The following ARHGAP35 variants were observed in gnomAD, a reference collection of about 807,000 sequenced individuals.
ARHGAP35 encodes Rho GTPase activating protein 35.
Under a neutral mutation model 111.1 loss-of-function variants are expected in ARHGAP35, and 15 were observed. That is an observed-to-expected ratio of 0.13 (90% CI 0.09 to 0.21). The LOEUF (loss-of-function observed/expected upper bound fraction) is 0.21. Ranked by LOEUF, ARHGAP35 falls within the 10% of genes least tolerant of loss-of-function variation. ARHGAP35 has a pLI of 1.00. For missense variants in ARHGAP35, 1,262 were observed against 1,873.0 expected, an observed-to-expected ratio of 0.67 and a Z score of 6.02; for synonymous variants, 643 against 710.3, an observed-to-expected ratio of 0.91 and a Z score of 1.51.
rs534328512 is a variant in ARHGAP35, at chr19:46,972,235, T to G, written c.3827-15754T>G. On this transcript the variant is annotated intron_variant, in intron 3 of 6. Coordinates refer to ENST00000672722, the MANE Select transcript of ARHGAP35 (RefSeq NM_004491.5). Reference sequence around the variant, plus strand: ...CATGTTGGCCAGGCTGGTCTCAAAATCCTGACCTCAGGTGATCACCCACCT... The same window carrying G: ...CATGTTGGCCAGGCTGGTCTCAAAAGCCTGACCTCAGGTGATCACCCACCT... Among the ~76,000 whole-genome samples, 3 of 152,024 alleles carry G rather than the reference T, an allele frequency of 2.0e-5. No homozygotes were observed. The East Asian group carries it at 5.9e-4, about 30-fold the overall frequency.
intron 3 of ARHGAP35, among the ~76,000 whole-genome samples, chr19:46,976,135 C>T (rs2056578344): frequency 1.3e-5 from 2 of 151,786 alleles, no homozygotes; most frequent in Admixed American, 6.6e-5. Context: ...AATCTCTCTC[C>T]CTCCCCCTGT....
In ARHGAP35 at chr19:46,921,032, T is replaced by C. The variant is rs772190930; in HGVS notation, c.2357T>C (p.Met786Thr). The change falls in exon 2 of 7, where the codon ATG becomes ACG. Residue 786 changes from methionine (M) to threonine (T), a missense_variant. Coordinates refer to ENST00000672722, the MANE Select transcript of ARHGAP35 (RefSeq NM_004491.5). This position sits in a 1 kb window ranked among gnomAD's most constrained non-coding sequence, Gnocchi z 4.3. The stretch of plus-strand genomic sequence containing the variant: ...GCTGATGTTGATCTGCGAATTGTTA[T>C]GTGTCTGATGTGTGGAGATCCTTTT... ...DLADVDLRIV[M>T]CLMCGDPFSA... 5.0e-6 allele frequency: 8 copies of C among 1,614,052 alleles called. No homozygotes were observed. In the East Asian group the frequency reaches 1.3e-4, roughly 27 times the overall value.
intron 3 of ARHGAP35, among the ~76,000 whole-genome samples, chr19:46,972,286 A>T (rs1393198615): frequency 2.0e-5 from 3 of 152,226 alleles, no homozygotes; most frequent in African/African-American, 7.2e-5. Flanking sequence ...CTGGGATTAC[A>T]GGCGTGAGCC....
intron 2 of ARHGAP35, among the ~76,000 whole-genome samples, chr19:46,923,596 A>C (rs1334027058): frequency 1.3e-5 from 2 of 151,476 alleles, no homozygotes; most frequent in Non-Finnish European, 2.9e-5. Context: ...CCCACCCCCA[A>C]TTGCCAAGGC....
At chr19:46,923,035 G>T (rs929704528) in intron 2 of ARHGAP35, among the ~76,000 whole-genome samples, 1 of 150,956 alleles carries the variant, frequency 6.6e-6, no homozygotes, top group Non-Finnish European at 1.5e-5. Flanking sequence ...AAAAGAAAAA[G>T]TTAACTGTAT....
chr19:46,907,695 T>C (rs2056117911), intron 1 of ARHGAP35, among the ~76,000 whole-genome samples: 1 of 151,224 alleles, frequency 6.6e-6, no homozygotes, highest in South Asian at 2.1e-4. Flanking sequence ...GCCAGGATGG[T>C]CTCCATCTCC....
chr19:46,920,019 C>T lies in ARHGAP35; in HGVS notation c.1344C>T (p.Pro448=), dbSNP rs752543994. The T allele has an allele frequency of 2.2e-5, 36 of 1,613,758 alleles. No individual in the cohort carries two copies. The highest frequency in any genetic ancestry group is 7.7e-5 in the South Asian group (7 of 91,070). ...TGGAGACTTCTCCTTTCATAACTCCCGGAAAGCCTTGGGAAGAGGCCCGTA... is the reference window on the plus strand; with the variant it reads ...TGGAGACTTCTCCTTTCATAACTCCTGGAAAGCCTTGGGAAGAGGCCCGTA... The part of the protein sequence containing the change: ...ENLETSPFIT[P]GKPWEEARSF... Residue 448 remains proline, a synonymous_variant, in exon 2 of 7, where the codon CCC becomes CCT. Transcript: ENST00000672722. This position sits in a 1 kb window ranked among gnomAD's most constrained non-coding sequence, Gnocchi z 7.0.
intron 1 of ARHGAP35, among the ~76,000 whole-genome samples, chr19:46,862,743 A>G (rs2055835620): frequency 6.6e-6 from 1 of 151,348 alleles, no homozygotes; most frequent in South Asian, 2.1e-4. Context: ...GGTTCTTGTC[A>G]CTGTGTCCCC....
chr19:46,890,979 C>G (rs2056020858), intron 1 of ARHGAP35, among the ~76,000 whole-genome samples: 1 of 152,100 alleles, frequency 6.6e-6, no homozygotes, highest in South Asian at 2.1e-4. Flanking sequence ...TGGCAATATT[C>G]TTTGCTGTCT....
At chr19:46,877,305 G>C (rs960225462) in intron 1 of ARHGAP35, among the ~76,000 whole-genome samples, 33 of 149,140 alleles carry the variant, frequency 2.2e-4, no homozygotes, top group African/African-American at 8.2e-4. Flanking sequence ...GGTCATGCCT[G>C]TAATCCCAGC....
At chr19:46,874,240 CTG>C (rs1223503231) in intron 1 of ARHGAP35, among the ~76,000 whole-genome samples, 2 of 152,168 alleles carry the variant, frequency 1.3e-5, no homozygotes, top group African/African-American at 4.8e-5. Flanking sequence ...CTCTTCCTCT[CTG>C]GGAGAATTTT....
At chr19:46,970,488 T>C (rs1322154172) in intron 3 of ARHGAP35, among the ~76,000 whole-genome samples, 1 of 152,146 alleles carries the variant, frequency 6.6e-6, no homozygotes, top group Non-Finnish European at 1.5e-5. Context: ...TCTGAACTCC[T>C]CAACATTACT....
chr19:46,897,297 A>G (rs899297001), intron 1 of ARHGAP35, among the ~76,000 whole-genome samples: 15 of 152,054 alleles, frequency 9.9e-5, no homozygotes, highest in Admixed American at 2.6e-4. Context: ...TGCTTTGTGC[A>G]CTTATTGGGG....
At chr19:46,900,246 G>C (rs1372027136) in intron 1 of ARHGAP35, among the ~76,000 whole-genome samples, 4 of 136,180 alleles carry the variant, frequency 2.9e-5, no homozygotes, top group Non-Finnish European at 6.2e-5. Flanking sequence ...TTTTGAGATG[G>C]AGTCTCACTC....
chr19:46,922,097 G>C lies in ARHGAP35; in HGVS notation c.3422G>C (p.Ser1141Thr). The C allele has an allele frequency of 1.2e-6, 2 of 1,614,050 alleles. No individual in the cohort carries two copies. The highest frequency in any genetic ancestry group is 2.2e-5 in the East Asian group (1 of 44,884). Residue 1141 changes from serine (S) to threonine (T), a missense_variant, in exon 2 of 7, where the codon AGC becomes ACC. Ser to Thr is a moderately conservative substitution (Grantham distance 58, BLOSUM62 1). Around this residue, in one of 8 missense-constraint regions of ARHGAP35, gnomAD observed 579 missense variants for 716.9 expected, o/e 0.81. Coordinates refer to ENST00000672722, the MANE Select transcript of ARHGAP35 (RefSeq NM_004491.5). This position sits in a 1 kb window ranked among gnomAD's most constrained non-coding sequence, Gnocchi z 4.0. ...GGTTCTGACAGTGAAATGGACACCA[G>C]CTCTCTAGAGCGAGGGCGCAAGGTT... ...GNGSDSEMDT[S>T]SLERGRKVSI... is the part of the protein sequence containing the mutation.
chr19:46,862,419 C>T (rs945744230), intron 1 of ARHGAP35, among the ~76,000 whole-genome samples: 5 of 152,032 alleles, frequency 3.3e-5, no homozygotes, highest in African/African-American at 1.2e-4. Flanking sequence ...AAACTGCTTC[C>T]TGTCCCCTCT....
rs1215333540 is a variant in ARHGAP35, at chr19:46,937,332, C to T, written c.3750C>T (p.Pro1250=). 1 of 1,613,920 alleles carries T rather than the reference C, an allele frequency of 6.2e-7. No homozygotes were observed. The highest frequency in any genetic ancestry group is 1.3e-5 in the African/African-American group (1 of 75,028). ...ATWESNYFGV[P]LTTVVTPEKP... ...GGGAGAGTAACTATTTTGGGGTGCC[C>T]TTAACAACTGTCGTGACTCCAGAGA... The change falls in exon 3 of 7, where the codon CCC becomes CCT. Residue 1250 remains proline (P), a synonymous_variant. Transcript: ENST00000672722.
At position 46,950,681 on chromosome 19, in the gene ARHGAP35, C is replaced by T. The variant is rs996813276; in HGVS notation, c.3826+13273C>T. Reference sequence around the variant, plus strand: ...CCCCAAAGCTATCACCACATTCTTGCCCCAGCTGGATCGTTGCCATCTACT... The same window carrying T: ...CCCCAAAGCTATCACCACATTCTTGTCCCAGCTGGATCGTTGCCATCTACT... On this transcript the variant is annotated intron_variant, in intron 3 of 6. Transcript: ENST00000672722. Among the ~76,000 whole-genome samples the T allele has an allele frequency of 2.0e-5, 3 of 152,144 alleles. No homozygotes were observed. In the East Asian group the frequency reaches 5.8e-4, roughly 29 times the overall value.
At chr19:46,870,437 G>A (rs1022932559) in intron 1 of ARHGAP35, among the ~76,000 whole-genome samples, 4 of 151,792 alleles carry the variant, frequency 2.6e-5, no homozygotes, top group African/African-American at 7.3e-5. Context: ...AAATTAGCCG[G>A]GTGTGGTGGC....
Sources: allele counts gnomAD v4.1 joint callset (sites outside exome capture counted in the v4.1 genomes callset), GRCh38; gene constraint gnomAD v4.1.1; regional missense constraint gnomAD v4.1.1; non-coding constraint Gnocchi (gnomAD v3.1); transcripts MANE v1.5; gene names NCBI Gene and HGNC (gene_info 2026-07-23, HGNC 2026-07-21).